EIF2B3: variants seen among roughly 807,000 people sequenced by gnomAD.
EIF2B3 encodes eukaryotic translation initiation factor 2B subunit gamma.
A neutral mutation model predicts 54.1 loss-of-function variants in EIF2B3; 20 were observed. The ratio of observed to expected loss-of-function variants is 0.37; its 90% CI spans 0.26 to 0.54. EIF2B3 has a LOEUF of 0.54. Ranked by LOEUF, EIF2B3 falls within the 20% of genes least tolerant of loss-of-function variation. The pLI is 0.86. For synonymous variants in EIF2B3, 153 were observed against 188.1 expected (o/e 0.81, Z 1.52); for missense variants, 448 against 547.8 (o/e 0.82, Z 1.82).
At chr1:44,884,519 T>G (rs1274180322) in intron 6 of EIF2B3, among the ~76,000 whole-genome samples, 1 of 152,230 alleles carries the variant, frequency 6.6e-6, no homozygotes, top group Non-Finnish European at 1.5e-5. Context: ...GAATCAATTT[T>G]GAAAAATTCT....
At chr1:44,880,817 C>T (rs886291202) in intron 7 of EIF2B3, among the ~76,000 whole-genome samples, 6 of 152,004 alleles carry the variant, frequency 3.9e-5, no homozygotes, top group Non-Finnish European at 8.8e-5. Context: ...AAAAATTAGC[C>T]GGGCGTGGTG....
intron 3 of EIF2B3, among the ~76,000 whole-genome samples, chr1:44,942,399 A>ATGTGTG (rs1381940682): frequency 1.9e-4 from 3 of 15,942 alleles, no homozygotes; most frequent in African/African-American, 1.2e-3. Flanking sequence ...ATATATATAT[A>ATGTGTG]TATATATATA....
chr1:44,861,868 C>T (rs755708458), intron 10 of EIF2B3, among the ~76,000 whole-genome samples: 11 of 152,148 alleles, frequency 7.2e-5, no homozygotes, highest in Non-Finnish European at 1.5e-4. Context: ...CCATTTGTAT[C>T]CTCAATTGTT....
At chr1:44,946,443 C>CGTTTTTTTTT (rs1644102790) in intron 3 of EIF2B3, among the ~76,000 whole-genome samples, 1 of 119,350 alleles carries the variant, frequency 8.4e-6, no homozygotes, top group Non-Finnish European at 1.7e-5. Flanking sequence ...CTTCATAATA[C>CGTTTTTTTTT]CTTTTTTTTT....
intron 4 of EIF2B3, among the ~76,000 whole-genome samples, chr1:44,936,546 G>A (rs983291437): frequency 4.6e-5 from 7 of 152,098 alleles, no homozygotes; most frequent in Admixed American, 6.6e-5. Context: ...AGCCAAGATC[G>A]CGCCATTGCA....
rs150360882 is a variant in EIF2B3, at chr1:44,979,689, C to T, written c.149-1229G>A. On this transcript the variant is annotated intron_variant, in intron 2 of 11. Coordinates refer to ENST00000360403, the MANE Select transcript of EIF2B3 (RefSeq NM_020365.5). ...AACAAAAAAACCAAAGGGGGCCATG[C>T]GTAGTGGCTCACACCTGTAATTCCA... 1.1e-3 allele frequency among the ~76,000 whole-genome samples: 165 copies of T among 151,110 alleles called. 1 individual carries two copies. Among genetic ancestry groups the T allele is most frequent in the Middle Eastern group, 7.1e-3 (2 of 280 alleles).
intron 5 of EIF2B3, among the ~76,000 whole-genome samples, chr1:44,900,526 A>G (rs1440846235): frequency 6.6e-6 from 1 of 151,914 alleles, no homozygotes; most frequent in Non-Finnish European, 1.5e-5. Flanking sequence ...CAAGAGTTGA[A>G]AAAATACCTG....
At position 44,965,634 on chromosome 1, in the gene EIF2B3, C is replaced by CTTTTTTTTTTTTTT. The variant is rs386366856; in HGVS notation, c.294+12667_294+12680dup. 4.7e-4 allele frequency among the ~76,000 whole-genome samples: 48 copies of CTTTTTTTTTTTTTT among 102,408 alleles called. 1 individual carries two copies. Among genetic ancestry groups the CTTTTTTTTTTTTTT allele is most frequent in the African/African-American group, 1.8e-3 (46 of 25,402 alleles). The allele number at this position is 102,408 out of a possible 152,430, so 67.2% of individuals were successfully genotyped here. A position where few individuals can be genotyped will look rare whatever the true frequency, so the allele number is the denominator to read the frequency against. The stretch of plus-strand genomic sequence containing the variant: ...GGGTATCTGAGATGCACAAATGCAT[C>CTTTTTTTTTTTTTT]TTTTTTTTTTTTTTTTTTTTTTTGA... On this transcript the variant is annotated intron_variant, in intron 3 of 11. Transcript: ENST00000360403.
intron 10 of EIF2B3, among the ~76,000 whole-genome samples, chr1:44,861,295 TAC>T (rs1367501655): frequency 6.6e-6 from 1 of 152,204 alleles, no homozygotes; most frequent in East Asian, 1.9e-4. Context: ...AAGCTTTAGA[TAC>T]AGAGGCTCCT....
In EIF2B3 at chr1:44,879,798, T is replaced by C; in HGVS notation, c.975+20A>G. On this transcript the variant is annotated intron_variant, in intron 8 of 11. Coordinates refer to ENST00000360403, the MANE Select transcript of EIF2B3 (RefSeq NM_020365.5). ...GTTTCTAGGACAAGAGCCCCATGATTTTCTAACTCATGCTCTCACCTGTCT... is the reference window on the plus strand; with the variant it reads ...GTTTCTAGGACAAGAGCCCCATGATCTTCTAACTCATGCTCTCACCTGTCT... The C allele has an allele frequency of 2.5e-6, 4 of 1,612,694 alleles. No homozygotes were observed. The highest frequency in any genetic ancestry group is 1.7e-5 in the Admixed American group (1 of 60,016).
intron 3 of EIF2B3, among the ~76,000 whole-genome samples, chr1:44,950,772 T>C (rs113037047): frequency 0.017 from 2,555 of 152,252 alleles, 76 homozygotes; most frequent in African/African-American, 0.058. Flanking sequence ...CACTGCAACC[T>C]CCACCTCTGG....
At chr1:44,872,487 A>T (rs1654997221) in intron 10 of EIF2B3, among the ~76,000 whole-genome samples, 3 of 151,974 alleles carry the variant, frequency 2.0e-5, no homozygotes, top group African/African-American at 7.2e-5. Flanking sequence ...TCTCTATAAA[A>T]TTTTTTAAAA....
At chr1:44,898,985 C>T (rs1656073159) in intron 5 of EIF2B3, among the ~76,000 whole-genome samples, 1 of 152,180 alleles carries the variant, frequency 6.6e-6, no homozygotes, top group African/African-American at 2.4e-5. Context: ...AGCTGCCACA[C>T]CTGGCTAATT....
chr1:44,951,954 A>AATTTTTTTTTTTTTTTTTTT (rs1644166853), intron 3 of EIF2B3, among the ~76,000 whole-genome samples: 1 of 44,672 alleles, frequency 2.2e-5, no homozygotes, highest in Non-Finnish European at 3.6e-5. Context: ...TGCCTGGCTA[A>AATTTTTTTTTTTTTTTTTTT]TTTTTTTTTT....
chr1:44,971,175 G>A (rs1182682116), intron 3 of EIF2B3, among the ~76,000 whole-genome samples: 1 of 152,232 alleles, frequency 6.6e-6, no homozygotes, highest in South Asian at 2.1e-4. Flanking sequence ...CGAAGTAGGA[G>A]ATCGAGACCA....
intron 4 of EIF2B3, among the ~76,000 whole-genome samples, chr1:44,929,119 TAA>T (rs1643876671): frequency 6.6e-6 from 1 of 152,218 alleles, no homozygotes; most frequent in Non-Finnish European, 1.5e-5. Context: ...AATAAAATGT[TAA>T]GTTTAAAAAT....
chr1:44,892,038 C>T (rs1355548326), intron 6 of EIF2B3, among the ~76,000 whole-genome samples: 1 of 152,024 alleles, frequency 6.6e-6, no homozygotes, highest in East Asian at 1.9e-4. Context: ...TGCACCTGGC[C>T]CCTATTTTAT....
intron 11 of EIF2B3, among the ~76,000 whole-genome samples, chr1:44,854,941 AG>A (rs1654391276): frequency 6.6e-6 from 1 of 152,042 alleles, no homozygotes; most frequent in Admixed American, 6.6e-5. Flanking sequence ...CCTTCATGTG[AG>A]GAAGACTGAC....
intron 3 of EIF2B3, among the ~76,000 whole-genome samples, chr1:44,947,441 C>T (rs1557699526): frequency 1.3e-5 from 2 of 152,072 alleles, no homozygotes. Flanking sequence ...GCCAAAACCA[C>T]TGAGTAAAAT....
Sources: allele counts gnomAD v4.1 joint callset (sites outside exome capture counted in the v4.1 genomes callset), GRCh38; gene constraint gnomAD v4.1.1; transcripts MANE v1.5; gene names NCBI Gene and HGNC (gene_info 2026-07-23, HGNC 2026-07-21).